The following DENND4B variants were observed in gnomAD, a reference collection of about 807,000 sequenced individuals.
The protein encoded by DENND4B is DENN domain-containing protein 4B.
DENND4B carries 67 observed loss-of-function variants against 161.0 expected under a neutral mutation model. That is an observed-to-expected ratio of 0.42 (90% CI 0.34 to 0.51). The LOEUF (loss-of-function observed/expected upper bound fraction) is 0.51, where lower values mean the gene tolerates loss of function less well. DENND4B is among the 20% of genes least tolerant of loss of function. The pLI, the probability that DENND4B is intolerant of heterozygous loss-of-function variation, is 0.08. For missense variants in DENND4B, 1,481 were observed against 1,968.0 expected, an observed-to-expected ratio of 0.75 and a Z score of 4.68; for synonymous variants, 753 against 813.8, an observed-to-expected ratio of 0.93 and a Z score of 1.27.
At chr1:153,939,830 C>A in intron 11 of DENND4B, 26 bp from the exon 12 acceptor site, 4 of 1,607,994 alleles carry the variant, frequency 2.5e-6, no homozygotes, top group Non-Finnish European at 3.4e-6. Context: ...GCCTAAGAGT[C>A]AGGGCTGGCT....
Position 153,934,782 on chromosome 1 carries a change from T to C in DENND4B, c.2751A>G (p.Gln917=), listed in dbSNP as rs752312278. 1.9e-6 allele frequency: 3 copies of C among 1,612,344 alleles called. No homozygotes were observed. Among genetic ancestry groups the C allele is most frequent in the Non-Finnish European group, 2.5e-6 (3 of 1,179,672 alleles). The change falls in exon 18 of 28, where the codon CAA becomes CAG. Residue 917 remains glutamine, a synonymous_variant. Coordinates refer to ENST00000361217, the MANE Select transcript of DENND4B (RefSeq NM_014856.3). This position sits in a 1 kb window ranked among gnomAD's most constrained non-coding sequence, Gnocchi z 5.3. The stretch of plus-strand genomic sequence containing the variant: ...CACCTGCCTGGGAGCTGCCTGCCTC[T>C]TGATGTGCTGACACCTGCTCCTGCT... ...QQQQEQVSAH[Q]EAGSSQAEPY...
chr1:153,940,112 G>A lies in DENND4B; in HGVS notation c.1603+44C>T. 1 of 1,486,130 alleles carries A rather than the reference G, an allele frequency of 6.7e-7. No homozygotes were observed. The highest frequency in any genetic ancestry group is 9.0e-7 in the Non-Finnish European group (1 of 1,105,128). The allele number at this position is 1,486,130 out of a possible 1,614,324, so 92.1% of individuals were successfully genotyped here. A position where few individuals can be genotyped will look rare whatever the true frequency, so the allele number is the denominator to read the frequency against. On this transcript the variant is annotated intron_variant, in intron 11 of 27. Coordinates refer to ENST00000361217, the MANE Select transcript of DENND4B (RefSeq NM_014856.3). This position sits in a 1 kb window ranked among gnomAD's most constrained non-coding sequence, Gnocchi z 5.6. ...GACCTCTGCAAACTGGAGGTTTGAG[G>A]GCAATGACAGTTCCCAGCCTCCCTC...
Position 153,936,724 on chromosome 1 carries a change from C to T in DENND4B, c.2257G>A (p.Ala753Thr), listed in dbSNP as rs774045288. 6.9e-6 allele frequency: 11 copies of T among 1,598,376 alleles called. No individual in the cohort carries two copies. The highest frequency in any genetic ancestry group is 9.4e-6 in the Non-Finnish European group (11 of 1,169,952). ...KQEMKVAQRMAQKSAAVPELW... is the reference protein window; with the variant it reads ...KQEMKVAQRMTQKSAAVPELW... ...TCAGGCACAGCTGCTGACTTCTGTG[C>T]CATCCGCTGTGCAACTTTCATCTCC... The change falls in exon 16 of 28, where the codon GCA becomes ACA. Residue 753 changes from alanine to threonine, a missense_variant. Physicochemically the swap from Ala to Thr is moderately conservative, Grantham distance 58. Around this residue, in one of 3 missense-constraint regions of DENND4B, gnomAD observed 806 missense variants for 1,134.4 expected, o/e 0.71. Coordinates refer to ENST00000361217, the MANE Select transcript of DENND4B (RefSeq NM_014856.3). This position sits in a 1 kb window ranked among gnomAD's most constrained non-coding sequence, Gnocchi z 4.1.
chr1:153,940,358 C>A lies in DENND4B; in HGVS notation c.1502+73G>T. 6.4e-7 allele frequency: 1 copy of A among 1,570,930 alleles called. No homozygotes were observed. The highest frequency in any genetic ancestry group is 1.2e-5 in the South Asian group (1 of 85,712). On this transcript the variant is annotated intron_variant, in intron 10 of 27. Transcript: ENST00000361217. The surrounding 1 kb of genome is among the most constrained non-coding windows in gnomAD (Gnocchi z 5.6). Reference sequence around the variant, plus strand: ...CTTTGTGCCTGAAGCTCTTTTTGAGCCCGTAGCACTCCACACACTAGCCCA... The same window carrying A: ...CTTTGTGCCTGAAGCTCTTTTTGAGACCGTAGCACTCCACACACTAGCCCA...
In DENND4B at chr1:153,934,725, C is replaced by A; in HGVS notation, c.2773+35G>T. Reference sequence around the variant, plus strand: ...CTTTCCCTGCCTGAGCCCAGCTACTCCATCCCCAAGCCTGTCTCACCAGGC... The same window carrying A: ...CTTTCCCTGCCTGAGCCCAGCTACTACATCCCCAAGCCTGTCTCACCAGGC... On this transcript the variant is annotated intron_variant, in intron 18 of 27. Transcript: ENST00000361217. This position sits in a 1 kb window ranked among gnomAD's most constrained non-coding sequence, Gnocchi z 5.3. The A allele has an allele frequency of 6.3e-7, 1 of 1,589,438 alleles. No individual in the cohort carries two copies. The highest frequency in any genetic ancestry group is 2.3e-5 in the East Asian group (1 of 43,820).
chr1:153,939,851 T>C, intron 11 of DENND4B, 47 bp from the exon 12 acceptor site: 2 of 1,577,982 alleles, frequency 1.3e-6, no homozygotes, highest in African/African-American at 1.3e-5. Flanking sequence ...CCCATAGTGT[T>C]ACCCTCAACT....
rs1184630755 is a variant in DENND4B at position 153,936,345 on chromosome 1, C to A, written c.2440-157G>T. The stretch of plus-strand genomic sequence containing the variant: ...CAGAGCCACCCACCCTTTCTGCTGA[C>A]CCTGCCACCCTACAGTCTTCACTGC... On this transcript the variant is annotated intron_variant, in intron 16 of 27. Transcript: ENST00000361217. The surrounding 1 kb of genome is among the most constrained non-coding windows in gnomAD (Gnocchi z 4.1). Among the ~76,000 whole-genome samples the A allele has an allele frequency of 5.3e-5, 8 of 152,236 alleles. No homozygotes were observed. Among genetic ancestry groups the A allele is most frequent in the Non-Finnish European group, 8.8e-5 (6 of 68,038 alleles).
intron 8 of DENND4B, 48 bp from the exon 9 acceptor site, chr1:153,941,096 G>GGAT: frequency 6.4e-7 from 1 of 1,557,340 alleles, no homozygotes; most frequent in Non-Finnish European, 8.7e-7. Context: ...ATACCCTGGG[G>GGAT]ACCCTTCCCC....
chr1:153,930,451 G>A lies in DENND4B; in HGVS notation c.4346-9C>T, dbSNP rs760856273. 7.4e-6 allele frequency: 12 copies of A among 1,613,708 alleles called. No homozygotes were observed. In the African/African-American group the frequency reaches 1.2e-4, roughly 16 times the overall value. On this transcript the variant is annotated splice_polypyrimidine_tract_variant and intron_variant, in intron 27 of 27. Transcript: ENST00000361217. This position sits in a 1 kb window ranked among gnomAD's most constrained non-coding sequence, Gnocchi z 4.7. ...CTTCTTATCGAAGGCCACTAGGGAA[G>A]AAGGTGGAAGTCAACATGTTAGGAC...
Position 153,932,890 on chromosome 1 carries a change from G to A in DENND4B, c.3594C>T (p.Leu1198=). 1.9e-6 allele frequency: 3 copies of A among 1,613,972 alleles called. No individual in the cohort carries two copies. The highest frequency in any genetic ancestry group is 2.5e-6 in the Non-Finnish European group (3 of 1,179,878). Residue 1198 remains leucine (L), a synonymous_variant, in exon 22 of 28, where the codon CTC becomes CTT. Transcript: ENST00000361217. The surrounding 1 kb of genome is among the most constrained non-coding windows in gnomAD (Gnocchi z 5.8). The part of the protein sequence containing the change: ...PFCACPFVPL[L]SVQTLDSRPS... ...GCCGGGAATCAAGGGTCTGGACACT[G>A]AGCAGGGGCACAAAGGGGCAGGCGC...
Position 153,932,945 on chromosome 1 carries a change from T to G in DENND4B, c.3539A>C (p.Asp1180Ala), listed in dbSNP as rs888649183. The G allele has an allele frequency of 6.2e-7, 1 of 1,613,700 alleles. No individual in the cohort carries two copies. The highest frequency in any genetic ancestry group is 8.5e-7 in the Non-Finnish European group (1 of 1,179,800). ...GGGGCAGGTTGTGTTGAGGTTAGAG[T>G]CATCAGGTGCCCAGCCAGCCATGAT... ...EEIMAGWAPD[D>A]SNLNTTCPFC... The change falls in exon 22 of 28, where the codon GAC (aspartate) becomes GCC (alanine). Residue 1180 changes from aspartate (D) to alanine (A), a missense_variant. This residue lies in a region of DENND4B where 336 missense variants were observed against 503.3 expected (regional missense o/e 0.67). Transcript: ENST00000361217. This position sits in a 1 kb window ranked among gnomAD's most constrained non-coding sequence, Gnocchi z 5.8.
Position 153,932,396 on chromosome 1 carries a change from G to A in DENND4B, c.3804C>T (p.Ser1268=), listed in dbSNP as rs371777958. The change falls in exon 24 of 28, where the codon AGC becomes AGT. Residue 1268 remains serine, a synonymous_variant. Coordinates refer to ENST00000361217, the MANE Select transcript of DENND4B (RefSeq NM_014856.3). The surrounding 1 kb of genome is among the most constrained non-coding windows in gnomAD (Gnocchi z 5.8). ...CCAGCTCCTTACGCAGCACCAGGGGGCTCAGGTATGCCCATGCCCCACTCT... is the reference window on the plus strand; with the variant it reads ...CCAGCTCCTTACGCAGCACCAGGGGACTCAGGTATGCCCATGCCCCACTCT... ...RVESGAWAYL[S]PLVLRKELES... The A allele has an allele frequency of 6.2e-7, 1 of 1,613,270 alleles. No individual in the cohort carries two copies. Among genetic ancestry groups the A allele is most frequent in the Non-Finnish European group, 8.5e-7 (1 of 1,179,588 alleles).
In DENND4B at chr1:153,942,626, C is replaced by T; in HGVS notation, c.571-1G>A. 4 of 1,588,060 alleles carry T rather than the reference C, an allele frequency of 2.5e-6. No individual in the cohort carries two copies. The highest frequency in any genetic ancestry group is 3.4e-6 in the Non-Finnish European group (4 of 1,168,346). On this transcript the variant is annotated splice_acceptor_variant, in intron 3 of 27. Transcript: ENST00000361217. LOFTEE classifies it high-confidence loss of function. The surrounding 1 kb of genome is among the most constrained non-coding windows in gnomAD (Gnocchi z 6.9). ...AGCACAGGTACACTGCTGGGCCCCA[C>T]TACCCCAGAAATGGCAAGAGACAAG...
chr1:153,938,170 A>G (rs1051022272), intron 13 of DENND4B, among the ~76,000 whole-genome samples: 4 of 152,214 alleles, frequency 2.6e-5, no homozygotes, highest in African/African-American at 9.6e-5. Flanking sequence ...GCACTTTGGG[A>G]GGCCGAGGTG....
In DENND4B at chr1:153,930,691, C is replaced by T; in HGVS notation, c.4280+1G>A. 3 of 1,612,726 alleles carry T rather than the reference C, an allele frequency of 1.9e-6. No individual in the cohort carries two copies. Among genetic ancestry groups the T allele is most frequent in the Non-Finnish European group, 2.5e-6 (3 of 1,179,166 alleles). ...GGATCACCCAGATGGTAGCACCATA[C>T]CTCTGCAGGTGCAGGCCAGTGGGTG... On this transcript the variant is annotated splice_donor_variant, in intron 26 of 27. Transcript: ENST00000361217. LOFTEE classifies it high-confidence loss of function. This position sits in a 1 kb window ranked among gnomAD's most constrained non-coding sequence, Gnocchi z 4.7.
At position 153,933,580 on chromosome 1, in the gene DENND4B, G is replaced by C; in HGVS notation, c.3233C>G (p.Pro1078Arg). 2 of 1,565,594 alleles carry C rather than the reference G, an allele frequency of 1.3e-6. No individual in the cohort carries two copies. The highest frequency in any genetic ancestry group is 1.2e-5 in the South Asian group (1 of 83,874). ...SRHSPASRIPPPELPPDLPPP... is the reference protein window; with the variant it reads ...SRHSPASRIPRPELPPDLPPP... Reference sequence around the variant, plus strand: ...TGGCAGGTCAGGAGGCAGCTCAGGTGGGGGAATGCGGGAGGCAGGGGAGTG... The same window carrying C: ...TGGCAGGTCAGGAGGCAGCTCAGGTCGGGGAATGCGGGAGGCAGGGGAGTG... Residue 1078 changes from proline to arginine, a missense_variant, in exon 20 of 28, where the codon CCA becomes CGA. Physicochemically the swap from Pro to Arg is moderately radical, Grantham distance 103. Coordinates refer to ENST00000361217, the MANE Select transcript of DENND4B (RefSeq NM_014856.3). This position sits in a 1 kb window ranked among gnomAD's most constrained non-coding sequence, Gnocchi z 5.7.
In DENND4B at chr1:153,937,654, C is replaced by T. The variant is rs750133966; in HGVS notation, c.2106-40G>A. 2 of 1,612,232 alleles carry T rather than the reference C, an allele frequency of 1.2e-6. No homozygotes were observed. The highest frequency in any genetic ancestry group is 1.7e-6 in the Non-Finnish European group (2 of 1,178,596). ...AGAAGCAACATCGGGGCAGTCAGCA[C>T]AGGGCGAAGCGAGTTGGACTGGACC... is the stretch of plus-strand genomic sequence containing the variant. On this transcript the variant is annotated intron_variant, in intron 14 of 27. Transcript: ENST00000361217. The surrounding 1 kb of genome is among the most constrained non-coding windows in gnomAD (Gnocchi z 4.7).
Position 153,933,695 on chromosome 1 carries a change from C to A in DENND4B, c.3118G>T (p.Gly1040Ter). 6.3e-7 allele frequency: 1 copy of A among 1,577,250 alleles called. No individual in the cohort carries two copies. The highest frequency in any genetic ancestry group is 2.3e-5 in the East Asian group (1 of 42,872). The change falls in exon 20 of 28, where the codon GGA becomes TGA. Residue 1040 changes from glycine to a stop codon, truncating the protein, a stop_gained. Transcript: ENST00000361217. LOFTEE classifies it high-confidence loss of function. The surrounding 1 kb of genome is among the most constrained non-coding windows in gnomAD (Gnocchi z 5.7). ...TCCTGTCGCCCACCAGCCTTGGGTCCCCGCCCACTTAGCCCTTCCAGGGCC... is the reference window on the plus strand; with the variant it reads ...TCCTGTCGCCCACCAGCCTTGGGTCACCGCCCACTTAGCCCTTCCAGGGCC... ...TEALEGLSGR[G>*]PKAGGRQDEA...
At chr1:153,946,789 C>T (rs1005400132), upstream of DENND4B, 8 of 366,632 alleles carry the variant, frequency 2.2e-5, no homozygotes, top group African/African-American at 1.5e-4. This position sits in a 1 kb window ranked among gnomAD's most constrained non-coding sequence, Gnocchi z 6.3. Context: ...GGTAGCTTCC[C>T]ACCATCCAGC....
Sources: allele counts gnomAD v4.1 joint callset (sites outside exome capture counted in the v4.1 genomes callset), GRCh38; gene constraint gnomAD v4.1.1; regional missense constraint gnomAD v4.1.1; non-coding constraint Gnocchi (gnomAD v3.1); transcripts MANE v1.5; gene names NCBI Gene and HGNC (gene_info 2026-07-23, HGNC 2026-07-21).